Variants in GRK5 observed in about 807,000 individuals in gnomAD.
GRK5 encodes g protein-coupled receptor kinase GRK5.
A neutral mutation model predicts 78.4 loss-of-function variants in GRK5; 40 were observed. That is an observed-to-expected ratio of 0.51 (90% CI 0.40 to 0.66). The LOEUF (loss-of-function observed/expected upper bound fraction) is 0.66. GRK5 is among the 30% of genes least tolerant of loss of function. GRK5 has a pLI of 0.00. For synonymous variants in GRK5, 289 were observed against 296.8 expected (o/e 0.97, Z 0.27); for missense variants, 598 against 759.9 (o/e 0.79, Z 2.50).
intron 2 of GRK5, among the ~76,000 whole-genome samples, chr10:119,345,832 C>CT (rs60190959): frequency 0.03 from 4,403 of 145,768 alleles, 127 homozygotes; most frequent in East Asian, 0.069. Context: ...AGCTGTTTGA[C>CT]TTTTTTTTTT....
intron 1 of GRK5, among the ~76,000 whole-genome samples, chr10:119,313,065 GTGGTGA>G (rs1850404772): frequency 6.8e-6 from 1 of 147,848 alleles, no homozygotes; most frequent in African/African-American, 2.6e-5. Flanking sequence ...GATGATGGTG[GTGGTGA>G]TGGTGGTGGT....
chr10:119,384,429 G>T (rs1201703609), intron 3 of GRK5, among the ~76,000 whole-genome samples: 1 of 152,234 alleles, frequency 6.6e-6, no homozygotes, highest in Non-Finnish European at 1.5e-5. Context: ...GTGAGACCAT[G>T]GGCAGGTGTT....
intron 1 of GRK5, among the ~76,000 whole-genome samples, chr10:119,312,495 TG>T (rs1423018876): frequency 6.6e-6 from 1 of 152,164 alleles, no homozygotes; most frequent in Non-Finnish European, 1.5e-5. Flanking sequence ...TGAAGTTTTA[TG>T]GGAATACAGC....
chr10:119,413,349 A>G (rs913625209), intron 4 of GRK5, among the ~76,000 whole-genome samples: 1 of 151,292 alleles, frequency 6.6e-6, no homozygotes, highest in African/African-American at 2.4e-5. Flanking sequence ...TGGTGGACAG[A>G]CCTGCTATTC....
chr10:119,253,853 T>G lies in GRK5; in HGVS notation c.52+45884T>G, dbSNP rs913595650. Among the ~76,000 whole-genome samples the G allele has an allele frequency of 6.9e-6, 1 of 144,918 alleles. No individual in the cohort carries two copies. Among genetic ancestry groups the G allele is most frequent in the Non-Finnish European group, 1.5e-5 (1 of 66,292 alleles). The stretch of plus-strand genomic sequence containing the variant: ...GGTGGTTCTTTGCCCCAGGGGTGTG[T>G]GTGTGTGTGTGTGTGTGTGTACACA... On this transcript the variant is annotated intron_variant, in intron 1 of 15. Coordinates refer to ENST00000392870, the MANE Select transcript of GRK5 (RefSeq NM_005308.3). The surrounding 1 kb of genome is among the most constrained non-coding windows in gnomAD (Gnocchi z 5.7).
intron 3 of GRK5, among the ~76,000 whole-genome samples, chr10:119,389,299 TG>T (rs1347225178): frequency 6.6e-6 from 1 of 152,252 alleles, no homozygotes; most frequent in East Asian, 1.9e-4. Flanking sequence ...TCTGCCTCAC[TG>T]GGGGCTAAGT....
intron 1 of GRK5, among the ~76,000 whole-genome samples, chr10:119,317,718 TG>T (rs1229341560): frequency 6.6e-6 from 1 of 152,024 alleles, no homozygotes; most frequent in African/African-American, 2.4e-5. Flanking sequence ...ATTCTGGAGC[TG>T]GGAGGAATAT....
intron 13 of GRK5, 61 bp downstream of exon 13, chr10:119,448,321 A>G: frequency 6.5e-7 from 1 of 1,527,746 alleles, no homozygotes. Context: ...GCTGCCCCCG[A>G]GTGCTGCCTC....
Position 119,290,346 on chromosome 10 carries a change from C to CAAAA in GRK5, c.53-36156_53-36153dup, listed in dbSNP as rs1220792004. Among the ~76,000 whole-genome samples the CAAAA allele has an allele frequency of 1.8e-3, 70 of 39,846 alleles. 2 individuals carry two copies. Among genetic ancestry groups the CAAAA allele is most frequent in the African/African-American group, 3.2e-3 (36 of 11,156 alleles). 26.1% of individuals were successfully genotyped at this position (39,846 alleles called of 152,430 possible). A position where few individuals can be genotyped will look rare whatever the true frequency, so the allele number is the denominator to read the frequency against. On this transcript the variant is annotated intron_variant, in intron 1 of 15. Coordinates refer to ENST00000392870, the MANE Select transcript of GRK5 (RefSeq NM_005308.3). ...TGAGTGACAGAGCGAGATTCCGTCT[C>CAAAA]AAAAAAAAAAAAAAAAACAAAAAAC...
intron 2 of GRK5, among the ~76,000 whole-genome samples, chr10:119,329,600 C>T (rs918519161): frequency 1.3e-5 from 2 of 152,094 alleles, no homozygotes; most frequent in African/African-American, 4.8e-5. Flanking sequence ...CGTGGTGGCG[C>T]ATGCCTGTAA....
rs1024884407 is a variant in GRK5, at chr10:119,313,640, G to C, written c.53-12876G>C. On this transcript the variant is annotated intron_variant, in intron 1 of 15. Transcript: ENST00000392870. ...AACAGTGCAGCTGTCAGGGAGGGGA[G>C]GTAGCCTTTGTGGGGGAGGTGGCCT... Among the ~76,000 whole-genome samples, 14 of 152,188 alleles carry C rather than the reference G, an allele frequency of 9.2e-5. No homozygotes were observed. In the East Asian group the frequency reaches 1.4e-3, roughly 15 times the overall value.
rs558922068 is a variant in GRK5, at chr10:119,233,518, G to C, written c.52+25549G>C. 7.9e-5 allele frequency among the ~76,000 whole-genome samples: 12 copies of C among 152,150 alleles called. No homozygotes were observed. In the East Asian group the frequency reaches 2.1e-3, roughly 27 times the overall value. On this transcript the variant is annotated intron_variant, in intron 1 of 15. Coordinates refer to ENST00000392870, the MANE Select transcript of GRK5 (RefSeq NM_005308.3). ...ATGTTGAATCAAAGGCTGATGGGGTGGGGGAGAGAGAGAGAGTCCTCATTG... is the reference window on the plus strand; with the variant it reads ...ATGTTGAATCAAAGGCTGATGGGGTCGGGGAGAGAGAGAGAGTCCTCATTG...
intron 2 of GRK5, among the ~76,000 whole-genome samples, chr10:119,352,999 T>C (rs1465728400): frequency 1.3e-5 from 2 of 152,242 alleles, no homozygotes; most frequent in African/African-American, 2.4e-5. Context: ...CAGGAGGGTA[T>C]GCTGGCCAGT....
chr10:119,370,179 C>A (rs2133819518), intron 2 of GRK5, among the ~76,000 whole-genome samples: 1 of 152,264 alleles, frequency 6.6e-6, no homozygotes, highest in African/African-American at 2.4e-5. Flanking sequence ...CACCCTTCCA[C>A]CCACCCTTTT....
intron 1 of GRK5, among the ~76,000 whole-genome samples, chr10:119,233,495 G>A (rs1455757058): frequency 6.6e-6 from 1 of 152,208 alleles, no homozygotes; most frequent in Non-Finnish European, 1.5e-5. Flanking sequence ...ATAGCACGAT[G>A]TTGAATCAAA....
chr10:119,225,794 C>T (rs1475187313), intron 1 of GRK5, among the ~76,000 whole-genome samples: 2 of 151,182 alleles, frequency 1.3e-5, no homozygotes, highest in African/African-American at 4.9e-5. Flanking sequence ...TCTCAGCCTC[C>T]TGAGTAGCTG....
chr10:119,339,767 G>A (rs1044542479), intron 2 of GRK5, among the ~76,000 whole-genome samples: 2 of 152,126 alleles, frequency 1.3e-5, no homozygotes, highest in Non-Finnish European at 2.9e-5. Flanking sequence ...GGCAGTGTGA[G>A]CCTGTAGTTC....
chr10:119,282,265 C>G (rs1849774775), intron 1 of GRK5, among the ~76,000 whole-genome samples: 1 of 152,190 alleles, frequency 6.6e-6, no homozygotes. Flanking sequence ...TAGATTTGCA[C>G]AAACCTTTCT....
At chr10:119,359,248 C>T (rs866503286) in intron 2 of GRK5, among the ~76,000 whole-genome samples, 2 of 152,126 alleles carry the variant, frequency 1.3e-5, no homozygotes, top group Non-Finnish European at 2.9e-5. Context: ...TGTGTACACA[C>T]GAGAGGGCTT....
Sources: allele counts gnomAD v4.1 joint callset (sites outside exome capture counted in the v4.1 genomes callset), GRCh38; gene constraint gnomAD v4.1.1; non-coding constraint Gnocchi (gnomAD v3.1); transcripts MANE v1.5; gene names NCBI Gene and HGNC (gene_info 2026-07-23, HGNC 2026-07-21).